POC1B: variants seen among roughly 807,000 people sequenced by gnomAD.
The protein encoded by POC1B is POC1 centriolar protein homolog B.
A neutral mutation model predicts 60.6 loss-of-function variants in POC1B; 44 were observed. The ratio of observed to expected loss-of-function variants is 0.73; its 90% CI spans 0.57 to 0.93. The LOEUF (loss-of-function observed/expected upper bound fraction) is 0.93, where lower values mean the gene tolerates loss of function less well. POC1B is among the 40% of genes least tolerant of loss of function. POC1B has a pLI of 0.00. For missense variants in POC1B, 555 were observed against 572.3 expected (o/e 0.97, Z 0.31); for synonymous variants, 180 against 198.9 (o/e 0.90, Z 0.80).
intron 2 of POC1B, among the ~76,000 whole-genome samples, chr12:89,507,488 T>C (rs1327403717): frequency 1.3e-5 from 2 of 152,154 alleles, no homozygotes; most frequent in African/African-American, 2.4e-5. Context: ...TACCACATAA[T>C]TTAAAATGTC....
At chr12:89,405,510 G>T in the POC1B span, among the ~76,000 whole-genome samples, 16 of 152,144 alleles carry the variant, frequency 1.1e-4, no homozygotes, top group African/African-American at 3.4e-4. Context: ...GGGCATGGTG[G>T]CGTATGCCTG....
the POC1B span, among the ~76,000 whole-genome samples, chr12:89,410,480 A>G: frequency 6.6e-6 from 1 of 152,126 alleles, no homozygotes; most frequent in Non-Finnish European, 1.5e-5. Flanking sequence ...GGAGATCGAG[A>G]CCATCCTGGC....
chr12:89,402,258 T>C, the POC1B span, among the ~76,000 whole-genome samples: 1 of 152,180 alleles, frequency 6.6e-6, no homozygotes, highest in Non-Finnish European at 1.5e-5. Flanking sequence ...ATTGTCCTTC[T>C]TGAAGTCTTC....
chr12:89,438,180 G>T (rs1283987366), intron 10 of POC1B, among the ~76,000 whole-genome samples: 2 of 151,524 alleles, frequency 1.3e-5, no homozygotes, highest in Non-Finnish European at 1.5e-5. Context: ...TCTTCAGGCC[G>T]GGCGCGGTGG....
At chr12:89,426,818 T>A (rs1880784706) in intron 10 of POC1B, 1 of 148,768 alleles carries the variant, frequency 6.7e-6, no homozygotes, top group African/African-American at 2.5e-5. Flanking sequence ...ACCAAGGCCA[T>A]GTTTCAAAAA....
the POC1B span, among the ~76,000 whole-genome samples, chr12:89,412,408 G>C: frequency 6.8e-6 from 1 of 147,846 alleles, no homozygotes; most frequent in Non-Finnish European, 1.5e-5. Context: ...GCCAGGCGCA[G>C]TGGCTCACAC....
intron 7 of POC1B, 53 bp downstream of exon 7, chr12:89,470,308 A>G: frequency 3.0e-6 from 3 of 993,172 alleles, no homozygotes; most frequent in Non-Finnish European, 3.9e-6. Flanking sequence ...AATTTAAAAT[A>G]TATATTATTT....
chr12:89,499,876 T>C (rs1276828344), intron 2 of POC1B, among the ~76,000 whole-genome samples: 2 of 152,268 alleles, frequency 1.3e-5, no homozygotes, highest in Non-Finnish European at 2.9e-5. Context: ...AAAAAGACAT[T>C]AACGTGTTTG....
chr12:89,487,201 G>A (rs527764743), intron 4 of POC1B, among the ~76,000 whole-genome samples: 43 of 152,254 alleles, frequency 2.8e-4, no homozygotes, highest in Non-Finnish European at 4.6e-4. Context: ...TTCCGTGGGC[G>A]AGCCTGAGCT....
intron 8 of POC1B, among the ~76,000 whole-genome samples, chr12:89,467,270 G>A (rs1882718981): frequency 6.6e-6 from 1 of 151,986 alleles, no homozygotes; most frequent in African/African-American, 2.4e-5. Flanking sequence ...TCAGATAAAT[G>A]CAGATTTGGT....
chr12:89,405,537 A>T, the POC1B span, among the ~76,000 whole-genome samples: 1 of 152,204 alleles, frequency 6.6e-6, no homozygotes. Context: ...TAAACTCCAG[A>T]TAATACATTT....
intron 10 of POC1B, among the ~76,000 whole-genome samples, chr12:89,448,891 G>A (rs911494876): frequency 4.6e-5 from 7 of 152,176 alleles, no homozygotes; most frequent in African/African-American, 1.7e-4. Flanking sequence ...TCCCAAAGTA[G>A]CCTTCACAAC....
the POC1B span, among the ~76,000 whole-genome samples, chr12:89,413,876 T>C: frequency 4.0e-5 from 6 of 151,372 alleles, no homozygotes; most frequent in Non-Finnish European, 1.5e-5. Flanking sequence ...ATTTATTTGT[T>C]TATTTATTTA....
the POC1B span, among the ~76,000 whole-genome samples, chr12:89,401,936 T>C: frequency 6.6e-6 from 1 of 152,218 alleles, no homozygotes; most frequent in African/African-American, 2.4e-5. Context: ...TTTCTCTTTT[T>C]TCCTGAGAAA....
At chr12:89,524,831 G>C (rs1337178098) in intron 2 of POC1B, 1 of 617,060 alleles carries the variant, frequency 1.6e-6, no homozygotes, top group African/African-American at 1.8e-5. Context: ...GGGCCGAGGA[G>C]AAACCCCTCC....
At chr12:89,512,527 G>A (rs1319121595) in intron 2 of POC1B, among the ~76,000 whole-genome samples, 1 of 152,152 alleles carries the variant, frequency 6.6e-6, no homozygotes, top group Non-Finnish European at 1.5e-5. Context: ...GAGAGGCCAA[G>A]GCAGAAGGAC....
chr12:89,507,266 CAAAAAA>C (rs34750133), intron 2 of POC1B, among the ~76,000 whole-genome samples: 2 of 64,054 alleles, frequency 3.1e-5, no homozygotes, highest in Non-Finnish European at 5.2e-5. Context: ...GGCCCTGTCT[CAAAAAA>C]AAAAAAAAAA....
chr12:89,447,436 G>A (rs577356891), intron 10 of POC1B, among the ~76,000 whole-genome samples: 9 of 152,056 alleles, frequency 5.9e-5, no homozygotes, highest in Middle Eastern at 3.4e-3. Context: ...TACTGTGTAC[G>A]GAACTGTACA....
At chr12:89,434,976 GATCT>G (rs1321395069) in intron 10 of POC1B, among the ~76,000 whole-genome samples, 2 of 151,982 alleles carry the variant, frequency 1.3e-5, no homozygotes, top group Non-Finnish European at 2.9e-5. Context: ...AGCAGACAAA[GATCT>G]ATCATCTATT....
Sources: gnomAD v4.1 joint callset for allele counts (sites outside exome capture counted in the v4.1 genomes callset) on GRCh38, gnomAD v4.1.1 for gene constraint, MANE v1.5 for transcripts, NCBI Gene and HGNC (gene_info 2026-07-23, HGNC 2026-07-21) for gene names.